Variants in SUMF1 observed in about 807,000 individuals in gnomAD.
The protein encoded by SUMF1 is formylglycine-generating enzyme.
In SUMF1, 48 loss-of-function variants were observed where a neutral mutation model predicts 47.6. That is an observed-to-expected ratio of 1.01 (90% CI 0.80 to 1.28). The LOEUF (loss-of-function observed/expected upper bound fraction) is 1.28. Ranked by LOEUF, SUMF1 falls within the 50% of genes most tolerant of loss-of-function variation. The pLI is 0.00. For synonymous variants in SUMF1, 230 were observed against 192.1 expected (o/e 1.20, Z -1.63); for missense variants, 571 against 485.4 (o/e 1.18, Z -1.66).
chr3:4,333,754 T>C lies in SUMF1; in HGVS notation c.1014+42576A>G, dbSNP rs930699375. 4.0e-5 allele frequency among the ~76,000 whole-genome samples: 6 copies of C among 151,772 alleles called. No homozygotes were observed. In the South Asian group the frequency reaches 1.2e-3, roughly 31 times the overall value. ...TCGCAAAGAAGAAGGAGGAATAGTG[T>C]GGAGTAAATATAAACAGGAGAACAA... On this transcript the variant is annotated intron_variant and NMD_transcript_variant, in intron 8 of 12. Coordinates refer to the SUMF1 transcript ENST00000448413.
chr3:4,078,689 T>C (rs1692492644), intron 8 of SUMF1, among the ~76,000 whole-genome samples: 1 of 151,644 alleles, frequency 6.6e-6, no homozygotes. Flanking sequence ...GGCCAAGAGT[T>C]CAAGTCCAAG....
At chr3:4,400,195 C>T (rs1271010863) in intron 7 of SUMF1, among the ~76,000 whole-genome samples, 2 of 152,200 alleles carry the variant, frequency 1.3e-5, no homozygotes, top group Non-Finnish European at 2.9e-5. Context: ...CATGGCCTGC[C>T]AGCTGTGGAT....
intron 8 of SUMF1, among the ~76,000 whole-genome samples, chr3:4,119,863 C>T (rs1485145918): frequency 9.9e-5 from 15 of 152,128 alleles, no homozygotes; most frequent in Non-Finnish European, 2.9e-5. Flanking sequence ...GTGCAGCTGC[C>T]ACTGACACTG....
At chr3:4,094,943 CCAGTGTTCTACAGAA>C (rs1277182631) in intron 8 of SUMF1, among the ~76,000 whole-genome samples, 1 of 152,018 alleles carries the variant, frequency 6.6e-6, no homozygotes, top group Non-Finnish European at 1.5e-5. Context: ...TCTCATGGAA[CCAGTGTTCTACAGAA>C]CACACTTCAA....
intron 8 of SUMF1, among the ~76,000 whole-genome samples, chr3:4,213,270 A>C (rs893495100): frequency 6.6e-6 from 1 of 152,330 alleles, no homozygotes; most frequent in South Asian, 2.1e-4. Context: ...ACATTCTTAA[A>C]GAAAAGAATT....
At chr3:4,342,741 T>G (rs923397986) in intron 8 of SUMF1, among the ~76,000 whole-genome samples, 1 of 152,140 alleles carries the variant, frequency 6.6e-6, no homozygotes, top group African/African-American at 2.4e-5. Context: ...CCAACTGGCT[T>G]ACTATTACTC....
chr3:4,158,005 T>C (rs2125111107), intron 8 of SUMF1, among the ~76,000 whole-genome samples: 1 of 151,726 alleles, frequency 6.6e-6, no homozygotes, highest in South Asian at 2.1e-4. Context: ...AGCATTTATT[T>C]CATTTAAACT....
chr3:4,369,672 A>G (rs1249662003), intron 8 of SUMF1, among the ~76,000 whole-genome samples: 1 of 152,210 alleles, frequency 6.6e-6, no homozygotes, highest in Non-Finnish European at 1.5e-5. Flanking sequence ...CTCAGCATAC[A>G]TAAGAATGGC....
intron 9 of SUMF1, among the ~76,000 whole-genome samples, chr3:4,044,452 CAG>C (rs1371694001): frequency 6.6e-6 from 1 of 152,166 alleles, no homozygotes; most frequent in Non-Finnish European, 1.5e-5. Flanking sequence ...TACAGGCCTA[CAG>C]AATTGGTATT....
intron 9 of SUMF1, among the ~76,000 whole-genome samples, chr3:4,042,301 A>G (rs1350000541): frequency 1.3e-5 from 2 of 152,218 alleles, no homozygotes; most frequent in African/African-American, 4.8e-5. Context: ...GTCCAAATCA[A>G]AATGGAGTCA....
intron 1 of SUMF1, among the ~76,000 whole-genome samples, chr3:4,455,002 T>C (rs1322703082): frequency 2.6e-5 from 4 of 152,194 alleles, no homozygotes; most frequent in Non-Finnish European, 4.4e-5. Flanking sequence ...GCAGTGATAG[T>C]TGTAACACCT....
downstream of SUMF1, chr3:4,361,060 G>C (rs1575129866): frequency 6.6e-6 from 1 of 152,126 alleles, no homozygotes; most frequent in East Asian, 1.9e-4. Context: ...ACGTTTTCTA[G>C]CAAATAAAAC....
rs187228032 is a variant in SUMF1 at position 4,083,245 on chromosome 3, G to A, written c.1015-14500C>T. ...AACTTTGTTGGCGGCTACACAATTG[G>A]AACCTCACGGACAGTCTGCCTACCC... On this transcript the variant is annotated intron_variant and NMD_transcript_variant, in intron 8 of 12. Transcript: ENST00000448413. 5.2e-3 allele frequency among the ~76,000 whole-genome samples: 795 copies of A among 152,282 alleles called. 7 individuals carry two copies. Among genetic ancestry groups the A allele is most frequent in the Non-Finnish European group, 9.1e-3 (622 of 68,040 alleles).
At chr3:4,063,556 T>C (rs1404372270) in intron 9 of SUMF1, among the ~76,000 whole-genome samples, 1 of 152,072 alleles carries the variant, frequency 6.6e-6, no homozygotes, top group Non-Finnish European at 1.5e-5. Context: ...TGAATATGCA[T>C]GATAAAGACC....
intron 8 of SUMF1, among the ~76,000 whole-genome samples, chr3:4,272,225 A>G (rs954811173): frequency 2.6e-5 from 4 of 152,230 alleles, no homozygotes; most frequent in Non-Finnish European, 4.4e-5. Flanking sequence ...TGAGAGATGA[A>G]CAATACTGTG....
chr3:4,284,001 T>C lies in SUMF1; in HGVS notation c.1014+92329A>G, dbSNP rs546480385. Among the ~76,000 whole-genome samples, 37 of 152,252 alleles carry C rather than the reference T, an allele frequency of 2.4e-4. 1 individual carries two copies. The South Asian group carries it at 7.7e-3, about 32-fold the overall frequency. On this transcript the variant is annotated intron_variant and NMD_transcript_variant, in intron 8 of 12. Coordinates refer to the SUMF1 transcript ENST00000448413. ...ATCTTCCAAATGTCTCACTCCCCATTATCATCACCTTGGGGGTTAGGATTT... is the reference window on the plus strand; with the variant it reads ...ATCTTCCAAATGTCTCACTCCCCATCATCATCACCTTGGGGGTTAGGATTT...
intron 8 of SUMF1, among the ~76,000 whole-genome samples, chr3:4,231,120 G>C (rs1696288748): frequency 6.6e-6 from 1 of 152,056 alleles, no homozygotes; most frequent in African/African-American, 2.4e-5. Context: ...ATGACAAAAA[G>C]CGAAATTTTC....
At chr3:4,364,679 C>G (rs1240233771) in intron 8 of SUMF1, among the ~76,000 whole-genome samples, 1 of 150,104 alleles carries the variant, frequency 6.7e-6, no homozygotes, top group Non-Finnish European at 1.5e-5. Context: ...AAACCAGCTC[C>G]TGGATTCATT....
At chr3:4,260,627 C>G (rs1309878042) in intron 8 of SUMF1, among the ~76,000 whole-genome samples, 1 of 152,000 alleles carries the variant, frequency 6.6e-6, no homozygotes, top group Admixed American at 6.5e-5. Flanking sequence ...CCCAGCTACT[C>G]AGAAGGCTAA....
Sources: gnomAD v4.1 joint callset for allele counts (sites outside exome capture counted in the v4.1 genomes callset) on GRCh38, gnomAD v4.1.1 for gene constraint, MANE v1.5 for transcripts, NCBI Gene and HGNC (gene_info 2026-07-23, HGNC 2026-07-21) for gene names.